The following MGAT5B variants were observed in gnomAD, a reference collection of about 807,000 sequenced individuals.
The protein encoded by MGAT5B is N-acetylglucosaminyl-transferase Vb.
In MGAT5B, 54 loss-of-function variants were observed where a neutral mutation model predicts 95.1. That is an observed-to-expected ratio of 0.57 (90% CI 0.46 to 0.71). The LOEUF is 0.71. MGAT5B is among the 30% of genes least tolerant of loss of function. MGAT5B has a pLI of 0.00. For missense variants in MGAT5B, 935 were observed against 1,088.6 expected, an observed-to-expected ratio of 0.86 and a Z score of 1.99; for synonymous variants, 464 against 451.0, an observed-to-expected ratio of 1.03 and a Z score of -0.36.
At chr17:76,936,541 ATTTC>A (rs752236908) in intron 12 of MGAT5B, among the ~76,000 whole-genome samples, 29 of 152,322 alleles carry the variant, frequency 1.9e-4, no homozygotes, top group Non-Finnish European at 3.4e-4. Flanking sequence ...GGTTACAAAG[ATTTC>A]TTTCCTGTTT....
chr17:76,932,790 T>G lies in MGAT5B; in HGVS notation c.1422+15T>G, dbSNP rs755578099. 2.5e-6 allele frequency: 4 copies of G among 1,612,422 alleles called. No individual in the cohort carries two copies. The highest frequency in any genetic ancestry group is 2.2e-5 in the East Asian group (1 of 44,854). The stretch of plus-strand genomic sequence containing the variant: ...GCATCTGGAAGGTGAGCGCGGCCCC[T>G]GCGCGCGGGAAGCACCAGCCTGCTC... On this transcript the variant is annotated intron_variant, in intron 11 of 17. Coordinates refer to ENST00000569840, the MANE Select transcript of MGAT5B (RefSeq NM_001199172.2).
rs1967463233 is a variant in MGAT5B, at chr17:76,882,427, A to G, written c.329+129A>G. 2.6e-6 allele frequency: 3 copies of G among 1,133,540 alleles called. No homozygotes were observed. The East Asian group carries it at 8.7e-5, about 33-fold the overall frequency. The allele number at this position is 1,133,540 out of a possible 1,614,324, so 70.2% of individuals were successfully genotyped here. ...TTTGGACCACACTGTGGTACAGCCC[A>G]GAGTGCATTTCTACCACCCAAATTT... On this transcript the variant is annotated intron_variant, in intron 3 of 17. Transcript: ENST00000569840.
chr17:76,927,529 C>T (rs1041940259), intron 10 of MGAT5B, among the ~76,000 whole-genome samples: 2 of 152,192 alleles, frequency 1.3e-5, no homozygotes, highest in African/African-American at 4.8e-5. Flanking sequence ...TGCAAGCCAC[C>T]GTGCCCGGGT....
chr17:76,939,391 G>A (rs562034888), intron 13 of MGAT5B, among the ~76,000 whole-genome samples: 2 of 150,826 alleles, frequency 1.3e-5, no homozygotes, highest in South Asian at 4.2e-4. Flanking sequence ...GCGGGCGCCT[G>A]TAGTCCTGGC....
chr17:76,924,919 G>A, intron 8 of MGAT5B, 47 bp from the exon 9 acceptor site: 1 of 1,608,266 alleles, frequency 6.2e-7, no homozygotes, highest in Non-Finnish European at 8.5e-7. Flanking sequence ...GGCCGGTTGG[G>A]CAGGTGGGTT....
chr17:76,929,733 G>C (rs1434962256), intron 10 of MGAT5B, among the ~76,000 whole-genome samples: 3 of 152,208 alleles, frequency 2.0e-5, no homozygotes, highest in African/African-American at 7.2e-5. Context: ...TTCCCATCTA[G>C]CTGGCTGATT....
At chr17:76,933,149 C>A in intron 11 of MGAT5B, 143 bp from the exon 12 acceptor site, 1 of 989,488 alleles carries the variant, frequency 1.0e-6, no homozygotes, top group Non-Finnish European at 1.5e-6. Flanking sequence ...CAGAGAGAAG[C>A]AGGAGAGGCT....
chr17:76,868,885 C>T lies in MGAT5B; in HGVS notation c.-145C>T. 2 of 647,038 alleles carry T rather than the reference C, an allele frequency of 3.1e-6. No homozygotes were observed. The highest frequency in any genetic ancestry group is 2.2e-5 in the South Asian group (1 of 46,340). 40.1% of individuals were successfully genotyped at this position (647,038 alleles called of 1,614,324 possible). A position where few individuals can be genotyped will look rare whatever the true frequency, so the allele number is the denominator to read the frequency against. ...CCGCTGCACGCCCAGGCCTGAGCAG[C>T]GAGGCCACCGGGCCGCGCGCTCCCA... On this transcript the variant is annotated 5_prime_UTR_variant, in exon 1 of 18. Coordinates refer to ENST00000569840, the MANE Select transcript of MGAT5B (RefSeq NM_001199172.2). The surrounding 1 kb of genome is among the most constrained non-coding windows in gnomAD (Gnocchi z 6.3).
intron 12 of MGAT5B, among the ~76,000 whole-genome samples, chr17:76,934,631 A>C (rs776324057): frequency 1.3e-5 from 2 of 152,198 alleles, no homozygotes; most frequent in African/African-American, 2.4e-5. Context: ...CGTGGAACAC[A>C]CAGGGTCTAC....
intron 3 of MGAT5B, among the ~76,000 whole-genome samples, chr17:76,883,516 G>A (rs960961083): frequency 1.3e-5 from 2 of 152,184 alleles, no homozygotes; most frequent in African/African-American, 4.8e-5. Context: ...TGTGTCCTAG[G>A]TATATAAGGC....
chr17:76,902,743 A>G (rs1968363000), intron 4 of MGAT5B, 73 bp downstream of exon 4: 49 of 546,606 alleles, frequency 9.0e-5, no homozygotes, highest in East Asian at 1.8e-4. Context: ...GGGCCCTGGG[A>G]GGGTGGGACA....
intron 3 of MGAT5B, among the ~76,000 whole-genome samples, chr17:76,896,797 TTGATTTCTTTCTTTCC>T: frequency 6.6e-6 from 1 of 152,346 alleles, no homozygotes; most frequent in East Asian, 1.9e-4. Flanking sequence ...AGGACATCCC[TTGATTTCTTTCTTTCC>T]TGTGAGAGCG....
chr17:76,881,943 C>T (rs986533513), intron 2 of MGAT5B, among the ~76,000 whole-genome samples: 1 of 152,254 alleles, frequency 6.6e-6, no homozygotes, highest in Non-Finnish European at 1.5e-5. Flanking sequence ...GGGCTCTGCA[C>T]TCCGCCACGA....
chr17:76,948,937 C>T lies in MGAT5B; in HGVS notation c.*99C>T, dbSNP rs1168342898. On this transcript the variant is annotated 3_prime_UTR_variant, in exon 18 of 18. Transcript: ENST00000569840. Reference sequence around the variant, plus strand: ...GAGCCCTGGCTGCTTGTCCTCCTCGCAACCCCCCCAGGCCGGAGCTTCCTT... The same window carrying T: ...GAGCCCTGGCTGCTTGTCCTCCTCGTAACCCCCCCAGGCCGGAGCTTCCTT... The T allele has an allele frequency of 3.7e-5, 48 of 1,308,906 alleles. No individual in the cohort carries two copies. Among genetic ancestry groups the T allele is most frequent in the Middle Eastern group, 2.7e-4 (1 of 3,740 alleles). 81.1% of individuals were successfully genotyped at this position (1,308,906 alleles called of 1,614,324 possible). A position where few individuals can be genotyped will look rare whatever the true frequency, so the allele number is the denominator to read the frequency against.
intron 6 of MGAT5B, 148 bp downstream of exon 6, chr17:76,904,570 C>G: frequency 1.1e-6 from 1 of 911,820 alleles, no homozygotes. Flanking sequence ...ACCGGGCAGA[C>G]GGGAGGCCAG....
Position 76,882,228 on chromosome 17 carries a change from G to T in MGAT5B, c.259G>T (p.Ala87Ser), listed in dbSNP as rs773984879. The change falls in exon 3 of 18, where the codon GCA becomes TCA. Residue 87 changes from alanine (A) to serine (S), a missense_variant. Physicochemically the swap from Ala to Ser is moderately conservative, Grantham distance 99 (BLOSUM62 1). Coordinates refer to ENST00000569840, the MANE Select transcript of MGAT5B (RefSeq NM_001199172.2). ...LLELMVKRMD[A>S]LARLENSSEL... is the part of the protein sequence containing the mutation. ...GGAGCTGATGGTGAAGCGCATGGACGCACTGGCCAGGCTGGAGAACAGCAG... is the reference window on the plus strand; with the variant it reads ...GGAGCTGATGGTGAAGCGCATGGACTCACTGGCCAGGCTGGAGAACAGCAG... The T allele has an allele frequency of 1.9e-6, 3 of 1,613,602 alleles. No homozygotes were observed. The highest frequency in any genetic ancestry group is 2.5e-6 in the Non-Finnish European group (3 of 1,179,918).
chr17:76,878,356 G>T (rs564836188), intron 2 of MGAT5B, among the ~76,000 whole-genome samples: 2 of 152,336 alleles, frequency 1.3e-5, no homozygotes, highest in Non-Finnish European at 2.9e-5. Context: ...GGCACGGGGG[G>T]ACTTGGTCCA....
intron 10 of MGAT5B, among the ~76,000 whole-genome samples, chr17:76,931,157 C>G (rs12709282): frequency 6.6e-6 from 1 of 152,078 alleles, no homozygotes; most frequent in Non-Finnish European, 1.5e-5. Context: ...AGTGTAGTGG[C>G]GTGATCTCAG....
chr17:76,944,038 A>G (rs1969955890), intron 15 of MGAT5B: 1 of 152,230 alleles, frequency 6.6e-6, no homozygotes, highest in South Asian at 2.1e-4. Flanking sequence ...TGTCCAGAGC[A>G]AGGCCATTCA....
Sources: allele counts gnomAD v4.1 joint callset (sites outside exome capture counted in the v4.1 genomes callset), GRCh38; gene constraint gnomAD v4.1.1; non-coding constraint Gnocchi (gnomAD v3.1); transcripts MANE v1.5; gene names NCBI Gene and HGNC (gene_info 2026-07-23, HGNC 2026-07-21).